Variants in ST6GALNAC3 observed in about 807,000 individuals in gnomAD.
ST6GALNAC3 encodes the protein alpha-N-acetylgalactosaminide alpha-2,6-sialyltransferase 3.
ST6GALNAC3 carries 25 observed loss-of-function variants against 32.7 expected under a neutral mutation model. The ratio of observed to expected loss-of-function variants is 0.76; its 90% CI spans 0.56 to 1.07. ST6GALNAC3 has a LOEUF of 1.07. Ranked by LOEUF, ST6GALNAC3 falls within the 50% of genes least tolerant of loss-of-function variation. ST6GALNAC3 has a pLI of 0.00. For synonymous variants in ST6GALNAC3, 129 were observed against 133.1 expected (o/e 0.97, Z 0.21); for missense variants, 355 against 382.4 (o/e 0.93, Z 0.60).
chr1:76,189,251 A>C (rs1653756192), intron 1 of ST6GALNAC3, among the ~76,000 whole-genome samples: 1 of 152,230 alleles, frequency 6.6e-6, no homozygotes, highest in Admixed American at 6.5e-5. Context: ...TATTCATGCA[A>C]GTAAGTTCTT....
At chr1:76,352,264 C>G (rs952787634) in intron 2 of ST6GALNAC3, among the ~76,000 whole-genome samples, 1 of 152,014 alleles carries the variant, frequency 6.6e-6, no homozygotes, top group African/African-American at 2.4e-5. Flanking sequence ...CTGAAATACC[C>G]TTGTTGACAT....
At chr1:76,145,325 C>T (rs2100301879) in intron 1 of ST6GALNAC3, among the ~76,000 whole-genome samples, 1 of 152,296 alleles carries the variant, frequency 6.6e-6, no homozygotes, top group South Asian at 2.1e-4. Context: ...TCTATTTCAT[C>T]CAACCCCGCT....
chr1:76,162,122 T>G (rs1651849209), intron 1 of ST6GALNAC3, among the ~76,000 whole-genome samples: 1 of 152,236 alleles, frequency 6.6e-6, no homozygotes, highest in Admixed American at 6.5e-5. Flanking sequence ...TATGTTGGCT[T>G]TGCTGCTTAA....
intron 3 of ST6GALNAC3, among the ~76,000 whole-genome samples, chr1:76,515,659 A>T (rs944552949): frequency 6.6e-6 from 1 of 152,060 alleles, no homozygotes; most frequent in African/African-American, 2.4e-5. Flanking sequence ...CCTTTCGTCT[A>T]CTTACCCAGT....
intron 3 of ST6GALNAC3, among the ~76,000 whole-genome samples, chr1:76,585,082 TA>T (rs2100559741): frequency 6.6e-6 from 1 of 152,270 alleles, no homozygotes; most frequent in South Asian, 2.1e-4. Flanking sequence ...CTAAGCTGAC[TA>T]AAAAATTATA....
intron 1 of ST6GALNAC3, among the ~76,000 whole-genome samples, chr1:76,193,654 G>T (rs888630540): frequency 6.6e-6 from 1 of 152,088 alleles, no homozygotes; most frequent in African/African-American, 2.4e-5. Context: ...CCAGGGACTG[G>T]GCTAACTGTG....
At chr1:76,443,487 G>T (rs1018605035) in intron 3 of ST6GALNAC3, among the ~76,000 whole-genome samples, 2 of 152,196 alleles carry the variant, frequency 1.3e-5, no homozygotes, top group Non-Finnish European at 2.9e-5. Context: ...GAGCTAGGAG[G>T]AGTCTGCTTC....
chr1:76,494,649 G>GCGCACACACA (rs142496688), intron 3 of ST6GALNAC3, among the ~76,000 whole-genome samples: 7 of 67,702 alleles, frequency 1.0e-4, no homozygotes, highest in African/African-American at 4.5e-4. Flanking sequence ...ATGTGTATGC[G>GCGCACACACA]CACACACACA....
chr1:76,252,170 T>TG (rs1247445110), intron 1 of ST6GALNAC3, among the ~76,000 whole-genome samples: 2 of 152,178 alleles, frequency 1.3e-5, no homozygotes, highest in Non-Finnish European at 2.9e-5. Flanking sequence ...GTGGCTCATC[T>TG]GACCCTGTAT....
chr1:76,572,315 CTGTGACATAT>C (rs1267020684), intron 3 of ST6GALNAC3, among the ~76,000 whole-genome samples: 3 of 152,012 alleles, frequency 2.0e-5, no homozygotes, highest in Non-Finnish European at 2.9e-5. Flanking sequence ...GAAGCAGTGC[CTGTGACATAT>C]TAAGTGCTAT....
At chr1:76,545,638 T>C (rs1016926681) in intron 3 of ST6GALNAC3, among the ~76,000 whole-genome samples, 1 of 149,736 alleles carries the variant, frequency 6.7e-6, no homozygotes, top group Non-Finnish European at 1.5e-5. Context: ...ACTTAGAAGA[T>C]TGCTAAGAGA....
At chr1:76,215,505 C>T (rs994308016) in intron 1 of ST6GALNAC3, among the ~76,000 whole-genome samples, 5 of 152,280 alleles carry the variant, frequency 3.3e-5, no homozygotes, top group East Asian at 1.9e-4. Context: ...TCCCCTGCCC[C>T]GGGTGATCCT....
chr1:76,515,051 C>G (rs1456108164), intron 3 of ST6GALNAC3, among the ~76,000 whole-genome samples: 1 of 152,066 alleles, frequency 6.6e-6, no homozygotes, highest in Non-Finnish European at 1.5e-5. Context: ...GAAGTATTTC[C>G]TAGTCTTCTA....
At chr1:76,282,075 A>C (rs1414483) in intron 1 of ST6GALNAC3, among the ~76,000 whole-genome samples, 19,445 of 152,080 alleles carry the variant, frequency 0.13, 1,862 homozygotes, top group East Asian at 0.31. Flanking sequence ...GATTAGAAAC[A>C]GTCTATAGTT....
At chr1:76,147,982 C>A (rs1350262513) in intron 1 of ST6GALNAC3, among the ~76,000 whole-genome samples, 1 of 152,102 alleles carries the variant, frequency 6.6e-6, no homozygotes, top group Non-Finnish European at 1.5e-5. Context: ...CCTGTTTTAC[C>A]AGTCAGTTAC....
chr1:76,619,405 G>A (rs528414081), intron 3 of ST6GALNAC3, among the ~76,000 whole-genome samples: 23 of 152,220 alleles, frequency 1.5e-4, no homozygotes, highest in South Asian at 1.5e-3. Flanking sequence ...GACTTTGCTC[G>A]TGATTTGTAA....
chr1:76,358,374 T>C (rs1466121218), intron 2 of ST6GALNAC3, among the ~76,000 whole-genome samples: 1 of 152,180 alleles, frequency 6.6e-6, no homozygotes, highest in Non-Finnish European at 1.5e-5. Context: ...TTCCACACTT[T>C]CTAATTTTAA....
Position 76,530,503 on chromosome 1 carries a change from A to AGAGCT in ST6GALNAC3, c.624-96935_624-96931dup, listed in dbSNP as rs568000167. Among the ~76,000 whole-genome samples the AGAGCT allele has an allele frequency of 2.5e-3, 384 of 152,332 alleles. 2 individuals carry two copies. The highest frequency in any genetic ancestry group is 8.7e-3 in the African/African-American group (362 of 41,588). ...ATAGTAAAAAAGAATGAAGCCGAAC[A>AGAGCT]GAGCTGAGCTGAGCTGAGAGATGGA... is the stretch of plus-strand genomic sequence containing the variant. On this transcript the variant is annotated intron_variant, in intron 3 of 4. Transcript: ENST00000328299.
At chr1:76,582,127 A>G (rs1646899985) in intron 3 of ST6GALNAC3, among the ~76,000 whole-genome samples, 1 of 152,184 alleles carries the variant, frequency 6.6e-6, no homozygotes, top group Non-Finnish European at 1.5e-5. Flanking sequence ...AATATGTTGC[A>G]CAGTACTCAA....
Sources: gnomAD v4.1 joint callset for allele counts (sites outside exome capture counted in the v4.1 genomes callset) on GRCh38, gnomAD v4.1.1 for gene constraint, MANE v1.5 for transcripts, NCBI Gene and HGNC (gene_info 2026-07-23, HGNC 2026-07-21) for gene names.